CFAP77: variants seen among roughly 807,000 people sequenced by gnomAD.
The protein encoded by CFAP77 is cilia and flagella associated protein 77, also known as cilia- and flagella-associated protein 77.
Under a neutral mutation model 31.1 loss-of-function variants are expected in CFAP77, and 25 were observed. The ratio of observed to expected loss-of-function variants is 0.80; its 90% CI spans 0.59 to 1.12. The LOEUF (loss-of-function observed/expected upper bound fraction) is 1.12, where lower values mean the gene tolerates loss of function less well. Among genes scored for constraint, CFAP77 ranks in the 50% most tolerant of loss-of-function variants. The pLI is 0.00. For missense variants in CFAP77, 377 were observed against 397.3 expected, an observed-to-expected ratio of 0.95 and a Z score of 0.44; for synonymous variants, 151 against 159.9, an observed-to-expected ratio of 0.94 and a Z score of 0.42.
chr9:132,519,192 A>G (rs1852201034), intron 3 of CFAP77, among the ~76,000 whole-genome samples: 1 of 125,604 alleles, frequency 8.0e-6, no homozygotes, highest in Non-Finnish European at 1.7e-5. Flanking sequence ...GAATGAATGG[A>G]TGGATGGATG....
chr9:132,509,788 T>G (rs1210554933), intron 3 of CFAP77, among the ~76,000 whole-genome samples: 1 of 151,744 alleles, frequency 6.6e-6, no homozygotes, highest in Non-Finnish European at 1.5e-5. Flanking sequence ...ACAAAAAAGG[T>G]GGGGGACAGG....
intron 3 of CFAP77, 81 bp from the exon 4 acceptor site, chr9:132,537,520 G>C: frequency 5.1e-6 from 5 of 978,402 alleles, no homozygotes; most frequent in Non-Finnish European, 7.8e-6. Flanking sequence ...CGTTTAGGAG[G>C]CTCCCGGGGG....
chr9:132,532,292 G>A (rs1463753296), intron 3 of CFAP77, among the ~76,000 whole-genome samples: 1 of 152,240 alleles, frequency 6.6e-6, no homozygotes, highest in Non-Finnish European at 1.5e-5. Flanking sequence ...GACCCAGGGA[G>A]TGGATATTTA....
rs111415303 is a variant in CFAP77 at position 132,473,302 on chromosome 9, G to A, written c.196-25393G>A. Reference sequence around the variant, plus strand: ...GCAACCATCCAAACTATAGCAACCCGCAAAGTGGGCACTGTGGTATGGGTG... The same window carrying A: ...GCAACCATCCAAACTATAGCAACCCACAAAGTGGGCACTGTGGTATGGGTG... On this transcript the variant is annotated intron_variant, in intron 1 of 5. Transcript: ENST00000393216. Among the ~76,000 whole-genome samples the A allele has an allele frequency of 1.4e-3, 220 of 152,250 alleles. 2 individuals carry two copies. The highest frequency in any genetic ancestry group is 4.9e-3 in the African/African-American group (204 of 41,538).
chr9:132,548,675 C>CG (rs1852773780), intron 5 of CFAP77, among the ~76,000 whole-genome samples: 8 of 147,454 alleles, frequency 5.4e-5, no homozygotes, highest in African/African-American at 2.1e-4. Flanking sequence ...CATCTGTTGG[C>CG]TGGCGGGGGG....
intron 5 of CFAP77, among the ~76,000 whole-genome samples, chr9:132,563,301 A>G (rs184648530): frequency 3.2e-4 from 48 of 152,336 alleles, no homozygotes; most frequent in African/African-American, 1.0e-3. Context: ...AGTGTGAGCC[A>G]CTGCACCCGG....
intron 1 of CFAP77, among the ~76,000 whole-genome samples, chr9:132,441,036 C>T (rs1460968090): frequency 6.6e-6 from 1 of 152,196 alleles, no homozygotes; most frequent in African/African-American, 2.4e-5. Flanking sequence ...CATCACCCTT[C>T]TCTCCTTGCC....
At chr9:132,557,374 G>A (rs1031062426) in intron 5 of CFAP77, among the ~76,000 whole-genome samples, 3 of 152,238 alleles carry the variant, frequency 2.0e-5, no homozygotes, top group Admixed American at 1.3e-4. Flanking sequence ...GTGGGGGCAC[G>A]GGAGGAAGCC....
At chr9:132,529,422 G>A (rs1036296679) in intron 3 of CFAP77, among the ~76,000 whole-genome samples, 8 of 133,882 alleles carry the variant, frequency 6.0e-5, no homozygotes, top group African/African-American at 2.1e-4. Context: ...ACACGTTAGT[G>A]GGTGCAGCGC....
At chr9:132,492,603 A>G (rs1851669286) in intron 1 of CFAP77, among the ~76,000 whole-genome samples, 1 of 152,240 alleles carries the variant, frequency 6.6e-6, no homozygotes, top group African/African-American at 2.4e-5. Flanking sequence ...GCTTTGGGCA[A>G]TCAGGACCCT....
intron 3 of CFAP77, among the ~76,000 whole-genome samples, chr9:132,535,497 A>G (rs1474497189): frequency 6.6e-6 from 1 of 152,134 alleles, no homozygotes; most frequent in African/African-American, 2.4e-5. Context: ...AGATCACTTG[A>G]GGTCAGGAGT....
chr9:132,423,773 C>T (rs1850266348), intron 1 of CFAP77, among the ~76,000 whole-genome samples: 1 of 152,218 alleles, frequency 6.6e-6, no homozygotes. Context: ...AGAAACATGC[C>T]CAAGGCCACA....
chr9:132,509,154 C>T (rs980417322), intron 3 of CFAP77, among the ~76,000 whole-genome samples: 3 of 152,204 alleles, frequency 2.0e-5, no homozygotes, highest in African/African-American at 4.8e-5. Flanking sequence ...CACTGCAGCC[C>T]TGTGCAGCAG....
chr9:132,412,175 T>C (rs973910586), intron 1 of CFAP77, among the ~76,000 whole-genome samples: 1 of 152,072 alleles, frequency 6.6e-6, no homozygotes, highest in African/African-American at 2.4e-5. Context: ...GTACAGGAGG[T>C]GACTCACCCA....
At chr9:132,435,277 GC>G (rs1032220854) in intron 1 of CFAP77, among the ~76,000 whole-genome samples, 1 of 152,172 alleles carries the variant, frequency 6.6e-6, no homozygotes, top group African/African-American at 2.4e-5. Context: ...CCACGAGATT[GC>G]CCACTTATTT....
At chr9:132,572,322 G>C in intron 5 of CFAP77, 66 bp from the exon 6 acceptor site, 1 of 1,534,274 alleles carries the variant, frequency 6.5e-7, no homozygotes. Flanking sequence ...GCAGGCGAGG[G>C]GAGCAACTGG....
intron 5 of CFAP77, among the ~76,000 whole-genome samples, chr9:132,555,440 G>C (rs1006621665): frequency 6.6e-6 from 1 of 152,150 alleles, no homozygotes; most frequent in Non-Finnish European, 1.5e-5. Flanking sequence ...AAGTACTGAC[G>C]GGCACTGCAT....
chr9:132,410,432 G>A lies in CFAP77; in HGVS notation c.161G>A (p.Arg54Gln). 13 of 1,596,512 alleles carry A rather than the reference G, an allele frequency of 8.1e-6. No homozygotes were observed. Among genetic ancestry groups the A allele is most frequent in the Non-Finnish European group, 1.1e-5 (13 of 1,173,240 alleles). ...GAGAACGAGCGGCTGGGGGTCGTGC[G>A]GGACTCCATGTTTCAGAACCCTCTC... is the stretch of plus-strand genomic sequence containing the variant. The part of the protein sequence containing the change: ...GMENERLGVV[R>Q]DSMFQNPLIV... Residue 54 changes from arginine to glutamine, a missense_variant, in exon 1 of 6, where the codon CGG becomes CAG. Physicochemically the swap from Arg to Gln is conservative, Grantham distance 43. Coordinates refer to ENST00000393216, the MANE Select transcript of CFAP77 (RefSeq NM_001282957.2).
chr9:132,451,249 A>T (rs1173947145), intron 1 of CFAP77, among the ~76,000 whole-genome samples: 4 of 151,762 alleles, frequency 2.6e-5, no homozygotes, highest in African/African-American at 9.7e-5. Flanking sequence ...GAGGCAGGAG[A>T]ATTGCTTGAA....
Sources: gnomAD v4.1 joint callset for allele counts (sites outside exome capture counted in the v4.1 genomes callset) on GRCh38, gnomAD v4.1.1 for gene constraint, MANE v1.5 for transcripts, NCBI Gene and HGNC (gene_info 2026-07-23, HGNC 2026-07-21) for gene names.